Variants in NTRK3 observed in about 807,000 individuals in gnomAD.
NTRK3 encodes the protein NT-3 growth factor receptor.
In NTRK3, 24 loss-of-function variants were observed where a neutral mutation model predicts 91.7. That is an observed-to-expected ratio of 0.26 (90% CI 0.19 to 0.37). The LOEUF (loss-of-function observed/expected upper bound fraction) is 0.37. NTRK3 is among the 10% of genes least tolerant of loss of function. The pLI, the probability that NTRK3 is intolerant of heterozygous loss-of-function variation, is 1.00. For synonymous variants in NTRK3, 483 were observed against 404.0 expected (o/e 1.20, Z -2.34); for missense variants, 880 against 1,068.9 (o/e 0.82, Z 2.46).
intron 17 of NTRK3, among the ~76,000 whole-genome samples, chr15:87,926,169 C>T (rs200848058): frequency 1.3e-5 from 2 of 152,174 alleles, no homozygotes; most frequent in East Asian, 3.8e-4. Context: ...ATTGTCATTC[C>T]AATGTCTTCC....
chr15:88,048,812 G>A (rs927351363), intron 13 of NTRK3, among the ~76,000 whole-genome samples: 3 of 152,152 alleles, frequency 2.0e-5, no homozygotes, highest in Non-Finnish European at 4.4e-5. Flanking sequence ...GATTTATCCT[G>A]GAAGGCAAGA....
intron 17 of NTRK3, among the ~76,000 whole-genome samples, chr15:87,922,307 T>C (rs28624305): frequency 0.046 from 7,046 of 152,206 alleles, 575 homozygotes; most frequent in African/African-American, 0.16. Flanking sequence ...GGTGACTGAG[T>C]AATCAGTCAA....
chr15:88,184,298 G>C, exon 4 of NTRK3: 2 of 1,614,090 alleles, frequency 1.2e-6, no homozygotes, highest in Non-Finnish European at 1.7e-6. Flanking sequence ...TTCTCTATGT[G>C]TCTGCAGGGG....
exon 19 of NTRK3, chr15:87,865,627 T>C (rs2064648443): frequency 9.2e-6 from 2 of 218,016 alleles, no homozygotes. Flanking sequence ...ACCACCAAAT[T>C]TATAGAGAAA....
chr15:88,136,096 C>T, intron 8 of NTRK3, 56 bp from the exon 9 acceptor site: 5 of 1,595,674 alleles, frequency 3.1e-6, no homozygotes, highest in Non-Finnish European at 4.3e-6. Context: ...GATGGCTCTG[C>T]TACCTAATCC....
At chr15:88,177,117 C>T (rs114044744) in intron 5 of NTRK3, among the ~76,000 whole-genome samples, 1,827 of 152,092 alleles carry the variant, frequency 0.012, 21 homozygotes, top group African/African-American at 0.042. Flanking sequence ...TGTAAGGCTG[C>T]GGCAGAGAGA....
At chr15:88,124,421 G>A (rs1567465997) in intron 13 of NTRK3, among the ~76,000 whole-genome samples, 1 of 152,172 alleles carries the variant, frequency 6.6e-6, no homozygotes, top group African/African-American at 2.4e-5. Context: ...GAAACAGGAT[G>A]ACAATTAATA....
At chr15:87,984,369 A>G (rs1227701202) in intron 14 of NTRK3, among the ~76,000 whole-genome samples, 1 of 152,256 alleles carries the variant, frequency 6.6e-6, no homozygotes, top group Non-Finnish European at 1.5e-5. Context: ...GAAGGTGATC[A>G]TCAAAGCATT....
chr15:87,944,336 T>C (rs1402489271), intron 14 of NTRK3, among the ~76,000 whole-genome samples: 1 of 152,188 alleles, frequency 6.6e-6, no homozygotes, highest in Non-Finnish European at 1.5e-5. Flanking sequence ...ATGAGCAGCT[T>C]CTTTCACTGA....
At position 88,234,109 on chromosome 15, in the gene NTRK3, G is replaced by A. The variant is rs893538414; in HGVS notation, c.248+21797C>T. On this transcript the variant is annotated intron_variant, in intron 3 of 18. Transcript: ENST00000394480. This position sits in a 1 kb window ranked among gnomAD's most constrained non-coding sequence, Gnocchi z 6.1. Reference sequence around the variant, plus strand: ...AAAGGAGGTCCACAGTCACCGTCCTGTGCCAGGCCAGCCTGCCAGGCAGCC... The same window carrying A: ...AAAGGAGGTCCACAGTCACCGTCCTATGCCAGGCCAGCCTGCCAGGCAGCC... Among the ~76,000 whole-genome samples the A allele has an allele frequency of 6.6e-6, 1 of 152,122 alleles. No homozygotes were observed. Among genetic ancestry groups the A allele is most frequent in the African/African-American group, 2.4e-5 (1 of 41,428 alleles).
At chr15:88,202,046 A>AAGG (rs2048348731) in intron 3 of NTRK3, among the ~76,000 whole-genome samples, 1 of 151,872 alleles carries the variant, frequency 6.6e-6, no homozygotes, top group African/African-American at 2.4e-5. Context: ...AAATGTGAAG[A>AAGG]TCTATTTTCC....
exon 2 of NTRK3, chr15:88,256,296 G>T (rs2054054652): frequency 4.4e-6 from 3 of 680,740 alleles, no homozygotes; most frequent in Non-Finnish European, 5.3e-6. Flanking sequence ...TTGAAACGCC[G>T]AGCGATCAGA....
chr15:88,203,475 C>T (rs2048470244), intron 3 of NTRK3, among the ~76,000 whole-genome samples: 1 of 152,270 alleles, frequency 6.6e-6, no homozygotes, highest in African/African-American at 2.4e-5. Flanking sequence ...AATCCCATAA[C>T]CACCCTAACG....
chr15:88,170,798 C>A (rs546983691), intron 5 of NTRK3, among the ~76,000 whole-genome samples: 1 of 152,274 alleles, frequency 6.6e-6, no homozygotes, highest in Non-Finnish European at 1.5e-5. Flanking sequence ...CTAAAATGAA[C>A]TGAACGACTC....
At chr15:87,931,020 C>T in intron 16 of NTRK3, 1 of 327,602 alleles carries the variant, frequency 3.1e-6, no homozygotes, top group Non-Finnish European at 6.0e-6. Flanking sequence ...TGGCACTGCC[C>T]CTCACCTTAT....
intron 14 of NTRK3, among the ~76,000 whole-genome samples, chr15:87,951,158 C>G (rs1280122624): frequency 6.6e-6 from 1 of 152,192 alleles, no homozygotes; most frequent in African/African-American, 2.4e-5. Context: ...GTCCCCACTT[C>G]CACTAGTAGA....
intron 10 of NTRK3, among the ~76,000 whole-genome samples, chr15:88,129,756 T>C (rs984970466): frequency 1.3e-5 from 2 of 152,176 alleles, no homozygotes; most frequent in African/African-American, 4.8e-5. Flanking sequence ...TAGCCAAATG[T>C]AGGATCATTT....
chr15:88,075,277 C>G (rs915373432), intron 13 of NTRK3, among the ~76,000 whole-genome samples: 1 of 152,226 alleles, frequency 6.6e-6, no homozygotes, highest in African/African-American at 2.4e-5. Flanking sequence ...GTCAACAACT[C>G]TATCTGCATG....
chr15:87,871,114 T>G (rs1198054663), exon 19 of NTRK3: 1 of 230,868 alleles, frequency 4.3e-6, no homozygotes, highest in Non-Finnish European at 8.6e-6. Context: ...GATAAAGAAT[T>G]CCAAGTACTT....
Sources: gnomAD v4.1 joint callset for allele counts (sites outside exome capture counted in the v4.1 genomes callset) on GRCh38, gnomAD v4.1.1 for gene constraint, Gnocchi (gnomAD v3.1) non-coding constraint, MANE v1.5 for transcripts, NCBI Gene and HGNC (gene_info 2026-07-23, HGNC 2026-07-21) for gene names.